LDLRAD4: variants seen among roughly 807,000 people sequenced by gnomAD.
The protein encoded by LDLRAD4 is low-density lipoprotein receptor class A domain-containing protein 4.
A neutral mutation model predicts 17.0 loss-of-function variants in LDLRAD4; 5 were observed. The ratio of observed to expected loss-of-function variants is 0.29; its 90% confidence interval spans 0.15 to 0.62. The LOEUF (loss-of-function observed/expected upper bound fraction) is 0.62, where lower values mean the gene tolerates loss of function less well. LDLRAD4 is among the 20% of genes least tolerant of loss of function. The pLI, the probability that LDLRAD4 is intolerant of heterozygous loss-of-function variation, is 0.84. For synonymous variants in LDLRAD4, 168 were observed against 171.8 expected, an observed-to-expected ratio of 0.98 and a Z score of 0.17; for missense variants, 340 against 424.7, an observed-to-expected ratio of 0.80 and a Z score of 1.75.
intron 4 of LDLRAD4, among the ~76,000 whole-genome samples, chr18:13,640,279 C>T (rs946984860): frequency 3.1e-5 from 3 of 97,184 alleles, no homozygotes; most frequent in East Asian, 3.3e-4. Flanking sequence ...GGCAACAGAG[C>T]GAGATTCCAT....
At chr18:13,268,289 C>T (rs1160778222) in intron 1 of LDLRAD4, among the ~76,000 whole-genome samples, 2 of 152,200 alleles carry the variant, frequency 1.3e-5, no homozygotes, top group Non-Finnish European at 2.9e-5. Flanking sequence ...CTTGACTCTT[C>T]TCCCTGCTTC....
intron 2 of LDLRAD4, among the ~76,000 whole-genome samples, chr18:13,389,229 G>T (rs1327406149): frequency 1.3e-5 from 2 of 152,096 alleles, no homozygotes; most frequent in Non-Finnish European, 1.5e-5. Context: ...CTCAGGAGCA[G>T]CTCCCTCGTG....
intron 1 of LDLRAD4, among the ~76,000 whole-genome samples, chr18:13,364,185 C>A (rs1328876693): frequency 6.6e-6 from 1 of 152,120 alleles, no homozygotes; most frequent in Non-Finnish European, 1.5e-5. Flanking sequence ...CTGAAGGAGA[C>A]ATGCCAAGCT....
chr18:13,405,248 A>G (rs574417982), intron 2 of LDLRAD4, among the ~76,000 whole-genome samples: 115 of 152,272 alleles, frequency 7.6e-4, no homozygotes, highest in African/African-American at 2.6e-3. Flanking sequence ...TTCAAGAAGT[A>G]GGTATTGAAC....
At chr18:13,229,722 T>C (rs1043064743) in intron 1 of LDLRAD4, among the ~76,000 whole-genome samples, 6 of 152,186 alleles carry the variant, frequency 3.9e-5, no homozygotes, top group African/African-American at 1.4e-4. Flanking sequence ...TCCCTCTCCT[T>C]CTACTCTTTC....
chr18:13,295,773 C>T (rs1260861437), intron 1 of LDLRAD4, among the ~76,000 whole-genome samples: 1 of 152,216 alleles, frequency 6.6e-6, no homozygotes, highest in African/African-American at 2.4e-5. Context: ...AGGCTATAAG[C>T]CTTCTCTAGT....
At chr18:13,560,619 A>G (rs2148201919) in intron 3 of LDLRAD4, among the ~76,000 whole-genome samples, 1 of 152,356 alleles carries the variant, frequency 6.6e-6, no homozygotes, top group South Asian at 2.1e-4. Flanking sequence ...CTCCTCATCC[A>G]TGATTTTTGA....
intron 1 of LDLRAD4, among the ~76,000 whole-genome samples, chr18:13,311,273 T>G (rs1165311830): frequency 6.6e-6 from 1 of 152,172 alleles, no homozygotes; most frequent in Admixed American, 6.5e-5. Context: ...CTGACTTCAG[T>G]CTTTGTCAGG....
At chr18:13,429,384 C>T (rs1397217847) in intron 2 of LDLRAD4, among the ~76,000 whole-genome samples, 5 of 152,156 alleles carry the variant, frequency 3.3e-5, no homozygotes, top group African/African-American at 7.2e-5. Context: ...CCCAGAGCAT[C>T]TTTTTATAAG....
intron 1 of LDLRAD4, among the ~76,000 whole-genome samples, chr18:13,362,734 C>T (rs576798281): frequency 1.8e-4 from 28 of 152,264 alleles, no homozygotes; most frequent in African/African-American, 3.1e-4. Context: ...AGATGATAAA[C>T]GTTAAGTTAT....
chr18:13,444,851 G>A (rs1488480919), intron 3 of LDLRAD4, among the ~76,000 whole-genome samples: 1 of 152,222 alleles, frequency 6.6e-6, no homozygotes, highest in African/African-American at 2.4e-5. Context: ...GCTTTTGCTT[G>A]CAAGGCCTAG....
At chr18:13,266,746 G>T (rs2044242394) in intron 1 of LDLRAD4, among the ~76,000 whole-genome samples, 1 of 152,248 alleles carries the variant, frequency 6.6e-6, no homozygotes, top group Non-Finnish European at 1.5e-5. Context: ...CCCGTGGGCA[G>T]ATCCCTGGAG....
intron 1 of LDLRAD4, among the ~76,000 whole-genome samples, chr18:13,278,673 T>A (rs1305627824): frequency 6.6e-6 from 1 of 152,242 alleles, no homozygotes; most frequent in Non-Finnish European, 1.5e-5. Context: ...TTTTTTTCCC[T>A]ATATTTTTAA....
exon 6 of LDLRAD4, chr18:13,649,076 G>A (rs568624791): frequency 2.0e-5 from 3 of 152,256 alleles, no homozygotes; most frequent in South Asian, 2.1e-4. Context: ...AATCCCAAGA[G>A]AGCAGAAGCG....
chr18:13,403,986 C>T (rs531273561), intron 2 of LDLRAD4, among the ~76,000 whole-genome samples: 39 of 152,352 alleles, frequency 2.6e-4, no homozygotes, highest in African/African-American at 7.2e-4. Context: ...CTACACTGAG[C>T]GCAAGGACCC....
At chr18:13,430,420 T>C (rs2090252956) in intron 2 of LDLRAD4, among the ~76,000 whole-genome samples, 1 of 152,222 alleles carries the variant, frequency 6.6e-6, no homozygotes, top group Non-Finnish European at 1.5e-5. Context: ...TCACTTTCAC[T>C]AAGTTTATTT....
At chr18:13,612,404 G>T (rs755812502) in intron 3 of LDLRAD4, 27 of 1,207,246 alleles carry the variant, frequency 2.2e-5, no homozygotes, top group Non-Finnish European at 2.7e-5. Flanking sequence ...GCTTCCTGCC[G>T]CAGAGCTCCT....
intron 3 of LDLRAD4, among the ~76,000 whole-genome samples, chr18:13,545,074 T>C (rs919143880): frequency 2.0e-5 from 3 of 152,130 alleles, no homozygotes; most frequent in East Asian, 1.9e-4. Flanking sequence ...CCTTATCCAG[T>C]GGTGCTCCCC....
At chr18:13,454,023 G>A (rs965228061) in intron 3 of LDLRAD4, among the ~76,000 whole-genome samples, 3 of 152,278 alleles carry the variant, frequency 2.0e-5, no homozygotes, top group African/African-American at 4.8e-5. Flanking sequence ...CGGAGGCTGC[G>A]CCGTGCACAC....
Sources: gnomAD v4.1 joint callset for allele counts (sites outside exome capture counted in the v4.1 genomes callset) on GRCh38, gnomAD v4.1.1 for gene constraint, MANE v1.5 for transcripts, NCBI Gene and HGNC (gene_info 2026-07-23, HGNC 2026-07-21) for gene names.